PTPRD: variants seen among roughly 807,000 people sequenced by gnomAD.
PTPRD encodes the protein receptor-type tyrosine-protein phosphatase delta.
A neutral mutation model predicts 214.5 loss-of-function variants in PTPRD; 34 were observed. That is an observed-to-expected ratio of 0.16 (90% CI 0.12 to 0.21). The LOEUF is 0.21. Among genes scored for constraint, PTPRD ranks in the 10% least tolerant of loss-of-function variants. The pLI is 1.00. For synonymous variants in PTPRD, 1,128 were observed against 845.7 expected (o/e 1.33, Z -5.79); for missense variants, 2,545 against 2,398.7 (o/e 1.06, Z -1.27).
At chr9:10,545,182 T>C (rs2059930876) in intron 2 of PTPRD, among the ~76,000 whole-genome samples, 1 of 152,182 alleles carries the variant, frequency 6.6e-6, no homozygotes, top group African/African-American at 2.4e-5. Flanking sequence ...GGCCTACATA[T>C]GGCACCTGTT....
chr9:8,508,878 T>C (rs539376952), intron 21 of PTPRD, among the ~76,000 whole-genome samples: 14 of 96,412 alleles, frequency 1.5e-4, no homozygotes, highest in African/African-American at 5.4e-4. Context: ...TATATATATG[T>C]GTGTGTGTGT....
chr9:10,086,429 T>A (rs1358628688), intron 3 of PTPRD, among the ~76,000 whole-genome samples: 1 of 151,756 alleles, frequency 6.6e-6, no homozygotes, highest in Non-Finnish European at 1.5e-5. Context: ...GCTCAGTCCC[T>A]TAAGTCCTAG....
At chr9:9,646,328 T>C (rs1050535555) in intron 7 of PTPRD, among the ~76,000 whole-genome samples, 3 of 146,630 alleles carry the variant, frequency 2.0e-5, no homozygotes, top group Non-Finnish European at 4.5e-5. Flanking sequence ...GGTGTGTGTG[T>C]GTGTGTGTGT....
At chr9:9,289,217 A>G (rs71497136) in intron 9 of PTPRD, among the ~76,000 whole-genome samples, 14,332 of 151,800 alleles carry the variant, frequency 0.094, 675 homozygotes, top group Middle Eastern at 0.17. Flanking sequence ...CCATCCTTCA[A>G]AAATTTATAA....
chr9:8,994,415 G>T (rs938375777), intron 11 of PTPRD, among the ~76,000 whole-genome samples: 2 of 152,062 alleles, frequency 1.3e-5, no homozygotes, highest in Non-Finnish European at 1.5e-5. Flanking sequence ...ATGAAAACAG[G>T]TTTCTTTTAT....
intron 3 of PTPRD, among the ~76,000 whole-genome samples, chr9:10,111,501 G>A (rs1199031932): frequency 6.6e-6 from 1 of 151,996 alleles, no homozygotes; most frequent in Non-Finnish European, 1.5e-5. Flanking sequence ...GCCTCCCAAA[G>A]TGCTGGGATT....
intron 3 of PTPRD, among the ~76,000 whole-genome samples, chr9:10,332,523 A>G (rs991821427): frequency 4.0e-5 from 6 of 151,822 alleles, no homozygotes; most frequent in African/African-American, 1.4e-4. Context: ...TCTAAATTGA[A>G]GTGTACACTC....
intron 17 of PTPRD, 164 bp from the exon 18 acceptor site, chr9:8,525,199 G>T: frequency 1.3e-6 from 1 of 746,832 alleles, no homozygotes; most frequent in Non-Finnish European, 2.4e-6. Flanking sequence ...GATGCGATGA[G>T]AAAAACATAT....
At chr9:9,513,433 T>G (rs1032957282) in intron 8 of PTPRD, among the ~76,000 whole-genome samples, 63 of 152,000 alleles carry the variant, frequency 4.1e-4, no homozygotes, top group African/African-American at 1.4e-3. Flanking sequence ...CATGTGTATT[T>G]AACAATAGAC....
intron 11 of PTPRD, among the ~76,000 whole-genome samples, chr9:8,905,870 G>A (rs2098704395): frequency 6.6e-6 from 1 of 152,096 alleles, no homozygotes; most frequent in Non-Finnish European, 1.5e-5. Flanking sequence ...ATGATCCTAA[G>A]GAAACAAATC....
At chr9:9,985,750 TATA>T (rs1455306090) in intron 4 of PTPRD, among the ~76,000 whole-genome samples, 22 of 152,082 alleles carry the variant, frequency 1.4e-4, no homozygotes, top group Admixed American at 4.6e-4. Flanking sequence ...TATTATCATT[TATA>T]ATAACAGTTT....
intron 11 of PTPRD, among the ~76,000 whole-genome samples, chr9:8,858,796 AACACACACACACAC>A (rs71317379): frequency 0.024 from 3,405 of 141,850 alleles, 110 homozygotes; most frequent in South Asian, 0.1. Context: ...TGAAGGAGGC[AACACACACACACAC>A]ACACACACAC....
chr9:8,342,092 A>C (rs1852973214), intron 39 of PTPRD, 114 bp from the exon 40 acceptor site: 1 of 1,105,146 alleles, frequency 9.0e-7, no homozygotes, highest in Non-Finnish European at 1.2e-6. Flanking sequence ...ACTTCTACTC[A>C]AATAGCTATT....
Position 9,888,702 on chromosome 9 carries a change from C to T in PTPRD, c.-368+49805G>A, listed in dbSNP as rs117562873. On this transcript the variant is annotated intron_variant, in intron 5 of 45. Transcript: ENST00000381196. Reference sequence around the variant, plus strand: ...CCTCAGCAGATACAGATTCTTGTGCCATGCTTCTCATATGGCTGAACCATG... The same window carrying T: ...CCTCAGCAGATACAGATTCTTGTGCTATGCTTCTCATATGGCTGAACCATG... Among the ~76,000 whole-genome samples the T allele has an allele frequency of 9.5e-3, 1,446 of 152,236 alleles. 17 individuals carry two copies. Among genetic ancestry groups the T allele is most frequent in the Non-Finnish European group, 0.015 (1,017 of 68,012 alleles).
chr9:10,255,058 A>G (rs975204415), intron 3 of PTPRD, among the ~76,000 whole-genome samples: 1 of 152,246 alleles, frequency 6.6e-6, no homozygotes, highest in Non-Finnish European at 1.5e-5. Flanking sequence ...GAAAAGGAAG[A>G]GGACAATAAC....
At chr9:10,513,939 TAA>T (rs2049133856) in intron 2 of PTPRD, among the ~76,000 whole-genome samples, 1 of 152,068 alleles carries the variant, frequency 6.6e-6, no homozygotes, top group South Asian at 2.1e-4. Context: ...ACCGTGGAAA[TAA>T]AGTTACTTCA....
At chr9:9,518,316 T>C (rs61041916) in intron 8 of PTPRD, among the ~76,000 whole-genome samples, 2,158 of 152,162 alleles carry the variant, frequency 0.014, 48 homozygotes, top group African/African-American at 0.048. Flanking sequence ...CTTCCTAATA[T>C]AGAAAATTCT....
chr9:10,199,348 TATA>T (rs1479261092), intron 3 of PTPRD, among the ~76,000 whole-genome samples: 2 of 152,122 alleles, frequency 1.3e-5, no homozygotes, highest in African/African-American at 4.8e-5. Context: ...ATGACCTACG[TATA>T]ATGATAGGAG....
chr9:10,397,946 C>T (rs1333795279), intron 2 of PTPRD, among the ~76,000 whole-genome samples: 2 of 151,910 alleles, frequency 1.3e-5, no homozygotes, highest in Admixed American at 6.6e-5. Flanking sequence ...TTAAGTGACA[C>T]ATGACTGATA....
Sources: gnomAD v4.1 joint callset for allele counts (sites outside exome capture counted in the v4.1 genomes callset) on GRCh38, gnomAD v4.1.1 for gene constraint, MANE v1.5 for transcripts, NCBI Gene and HGNC (gene_info 2026-07-23, HGNC 2026-07-21) for gene names.